Variants in MTMR12 observed in about 807,000 individuals in gnomAD.
The protein encoded by MTMR12 is myotubularin-related protein 12.
MTMR12 carries 33 observed loss-of-function variants against 96.7 expected under a neutral mutation model. That is an observed-to-expected ratio of 0.34 (90% CI 0.26 to 0.46). MTMR12 has a LOEUF of 0.46. MTMR12 is among the 20% of genes least tolerant of loss of function. The probability of loss-of-function intolerance (pLI) is 1.00; values close to 1 mark genes in which losing one functional copy is unlikely to be tolerated. For synonymous variants in MTMR12, 298 were observed against 327.2 expected (o/e 0.91, Z 0.96); for missense variants, 721 against 896.1 (o/e 0.80, Z 2.49).
At chr5:32,247,854 A>T in intron 10 of MTMR12, 148 bp downstream of exon 10, 1 of 1,365,660 alleles carries the variant, frequency 7.3e-7, no homozygotes, top group Non-Finnish European at 9.5e-7. Context: ...TGGTAATGGC[A>T]GCCAGACCCC....
chr5:32,281,172 C>T (rs1252564503), intron 1 of MTMR12, among the ~76,000 whole-genome samples: 4 of 147,142 alleles, frequency 2.7e-5, no homozygotes, highest in East Asian at 2.1e-4. Context: ...AGCTTGAACC[C>T]GGGAGGTGGA....
At position 32,312,658 on chromosome 5, in the gene MTMR12, G is replaced by A. The variant is rs1751646558; in HGVS notation, c.81+100C>T. ...GCCCCGTCGCCCGGCACAAGGGCAGGAAGCGCTCCGCGGCGCTCCCCGCTG... is the reference window on the plus strand; with the variant it reads ...GCCCCGTCGCCCGGCACAAGGGCAGAAAGCGCTCCGCGGCGCTCCCCGCTG... On this transcript the variant is annotated intron_variant, in intron 1 of 15. Transcript: ENST00000382142. This position sits in a 1 kb window ranked among gnomAD's most constrained non-coding sequence, Gnocchi z 5.0. 1.8e-6 allele frequency: 2 copies of A among 1,137,868 alleles called. No homozygotes were observed. The highest frequency in any genetic ancestry group is 2.4e-5 in the South Asian group (1 of 41,060). 70.5% of individuals were successfully genotyped at this position (1,137,868 alleles called of 1,614,324 possible).
At chr5:32,240,357 C>T (rs1748418148) in intron 12 of MTMR12, among the ~76,000 whole-genome samples, 1 of 149,886 alleles carries the variant, frequency 6.7e-6, no homozygotes, top group Admixed American at 6.7e-5. Context: ...TGAGATCGCA[C>T]CATTGCACTC....
Position 32,312,824 on chromosome 5 carries a change from TC to T in MTMR12, c.14del (p.Gly5GlufsTer2). On this transcript the variant is annotated frameshift_variant, in exon 1 of 16. Transcript: ENST00000382142. LOFTEE classifies it high-confidence loss of function. This position sits in a 1 kb window ranked among gnomAD's most constrained non-coding sequence, Gnocchi z 5.0. MLGK[G>X]VVGGGGGTKA... ...TGGTGCCGCCGCCACCGCCGACTAC[TC>T]CTTTCCCCAGCATACCGCCGCCCTG... 6.5e-7 allele frequency: 1 copy of T among 1,531,344 alleles called. No homozygotes were observed. The highest frequency in any genetic ancestry group is 2.8e-5 in the East Asian group (1 of 36,182). 94.9% of individuals were successfully genotyped at this position (1,531,344 alleles called of 1,614,324 possible).
At position 32,251,512 on chromosome 5, in the gene MTMR12, C is replaced by T. The variant is rs1445096800; in HGVS notation, c.790-2634G>A. ...TGTAGGGAACTGGGGCTGCACACGACGTAAGGACTTCTGGGAGGGAAATGT... is the reference window on the plus strand; with the variant it reads ...TGTAGGGAACTGGGGCTGCACACGATGTAAGGACTTCTGGGAGGGAAATGT... On this transcript the variant is annotated intron_variant, in intron 8 of 15. Coordinates refer to ENST00000382142, the MANE Select transcript of MTMR12 (RefSeq NM_001040446.3). 2.6e-5 allele frequency among the ~76,000 whole-genome samples: 4 copies of T among 152,052 alleles called. No homozygotes were observed. In the South Asian group the frequency reaches 6.2e-4, roughly 24 times the overall value.
chr5:32,255,098 C>T (rs1749086894), intron 8 of MTMR12, among the ~76,000 whole-genome samples: 1 of 152,274 alleles, frequency 6.6e-6, no homozygotes, highest in Admixed American at 6.5e-5. Context: ...TGGGAGTGAC[C>T]CTTTTGGTGA....
intron 5 of MTMR12, 85 bp from the exon 6 acceptor site, chr5:32,268,879 T>C (rs2112076564): frequency 1.8e-6 from 2 of 1,088,786 alleles, no homozygotes; most frequent in East Asian, 2.4e-5. Flanking sequence ...TCTAAGTTCT[T>C]AGTCATGCCA....
At chr5:32,309,288 C>T (rs1474892971) in intron 1 of MTMR12, among the ~76,000 whole-genome samples, 3 of 152,200 alleles carry the variant, frequency 2.0e-5, no homozygotes, top group Non-Finnish European at 2.9e-5. Context: ...ATCAGTTGCA[C>T]TTCAACCAGG....
Position 32,270,904 on chromosome 5 carries a change from T to C in MTMR12, c.402A>G (p.Lys134=). The C allele has an allele frequency of 6.2e-7, 1 of 1,614,072 alleles. No homozygotes were observed. Among genetic ancestry groups the C allele is most frequent in the South Asian group, 1.1e-5 (1 of 91,050 alleles). ...AGTGGATGATGAGCTTCTCAGGGTA[T>C]TTCTTCAGTTGTCCAAAGAGAGTTT... ...KKKTLFGQLK[K]YPEKLIIHCK... Residue 134 remains lysine, a synonymous_variant, in exon 5 of 16, where the codon AAA becomes AAG. Coordinates refer to ENST00000382142, the MANE Select transcript of MTMR12 (RefSeq NM_001040446.3).
chr5:32,241,984 A>G, intron 12 of MTMR12, 73 bp downstream of exon 12: 1 of 1,261,640 alleles, frequency 7.9e-7, no homozygotes, highest in Non-Finnish European at 1.1e-6. Flanking sequence ...CAAATACATA[A>G]AGCTACATAT....
In MTMR12 at chr5:32,248,818, C is replaced by T; in HGVS notation, c.850G>A (p.Glu284Lys). Residue 284 changes from glutamate to lysine, a missense_variant, in exon 9 of 16, where the codon GAA becomes AAA. By Grantham distance (56) the Glu-to-Lys change is moderately conservative (BLOSUM62 1). Transcript: ENST00000382142. ...ATTTGTAAAATGCCGTCATCCTGTT[C>T]TTTGGGCAGTGCTGACATTTTCAAA... is the stretch of plus-strand genomic sequence containing the variant. ...ALLKMSALPK[E>K]QDDGILQIQK... 1 of 1,614,152 alleles carries T rather than the reference C, an allele frequency of 6.2e-7. No individual in the cohort carries two copies. Among genetic ancestry groups the T allele is most frequent in the Non-Finnish European group, 8.5e-7 (1 of 1,179,998 alleles).
chr5:32,260,312 GTAGCCTGCT>G (rs1749314325), intron 7 of MTMR12, among the ~76,000 whole-genome samples: 1 of 151,612 alleles, frequency 6.6e-6, no homozygotes, highest in Non-Finnish European at 1.5e-5. Context: ...TGCATGTGGA[GTAGCCTGCT>G]TGGCATGCGA....
rs548515571 is a variant in MTMR12 at position 32,229,831 on chromosome 5, C to T, written c.2191G>A (p.Glu731Lys). 1.3e-6 allele frequency: 2 copies of T among 1,584,112 alleles called. No individual in the cohort carries two copies. Among genetic ancestry groups the T allele is most frequent in the South Asian group, 2.3e-5 (2 of 86,676 alleles). Reference sequence around the variant, plus strand: ...TCTTCTCGTTTGGCCAAATCGTCTTCATCTCCCAAAGCTTTCCAGCCACTG... The same window carrying T: ...TCTTCTCGTTTGGCCAAATCGTCTTTATCTCCCAAAGCTTTCCAGCCACTG... ...PTSGWKALGD[E>K]DDLAKREDEF... is the part of the protein sequence containing the mutation. The change falls in exon 16 of 16, where the codon GAA becomes AAA. Residue 731 changes from glutamate to lysine, a missense_variant. Glu to Lys is a moderately conservative substitution (Grantham distance 56). Coordinates refer to ENST00000382142, the MANE Select transcript of MTMR12 (RefSeq NM_001040446.3).
At chr5:32,260,970 C>A (rs370422440) in intron 7 of MTMR12, among the ~76,000 whole-genome samples, 1 of 151,638 alleles carries the variant, frequency 6.6e-6, no homozygotes, top group Non-Finnish European at 1.5e-5. Context: ...CAGTGGCTCA[C>A]GCGTGTAATC....
In MTMR12 at chr5:32,229,543, C is replaced by T. The variant is rs147816066; in HGVS notation, c.*235G>A. 5.3e-6 allele frequency: 2 copies of T among 375,648 alleles called. No homozygotes were observed. Among genetic ancestry groups the T allele is most frequent in the Non-Finnish European group, 9.3e-6 (2 of 214,716 alleles). The allele number at this position is 375,648 out of a possible 1,614,324, so 23.3% of individuals were successfully genotyped here. ...TCAGAAAACGGCCACAACCCTATTA[C>T]GGGTCAAGTAATAATTCCTTCCAAT... On this transcript the variant is annotated 3_prime_UTR_variant, in exon 16 of 16. Coordinates refer to ENST00000382142, the MANE Select transcript of MTMR12 (RefSeq NM_001040446.3).
chr5:32,231,197 C>T (rs980949265), intron 15 of MTMR12, among the ~76,000 whole-genome samples: 1 of 151,934 alleles, frequency 6.6e-6, no homozygotes, highest in African/African-American at 2.4e-5. Context: ...CAAGACCAAC[C>T]TCAACCTGGC....
At chr5:32,250,477 G>C (rs1382829290) in intron 8 of MTMR12, among the ~76,000 whole-genome samples, 1 of 152,196 alleles carries the variant, frequency 6.6e-6, no homozygotes, top group Non-Finnish European at 1.5e-5. Context: ...TGCTGTTCTT[G>C]CATTCCCTTT....
At chr5:32,248,931 G>A (rs545613877) in intron 8 of MTMR12, 53 bp from the exon 9 acceptor site, 3 of 1,381,586 alleles carry the variant, frequency 2.2e-6, no homozygotes, top group Admixed American at 1.7e-5. Context: ...CCCAACAGGG[G>A]ACACATAAGC....
intron 2 of MTMR12, among the ~76,000 whole-genome samples, chr5:32,274,516 C>T (rs953501144): frequency 1.3e-5 from 2 of 152,120 alleles, no homozygotes; most frequent in African/African-American, 2.4e-5. Context: ...ATGGGCTTGC[C>T]CCAGTCTGCC....
Sources: gnomAD v4.1 joint callset for allele counts (sites outside exome capture counted in the v4.1 genomes callset) on GRCh38, gnomAD v4.1.1 for gene constraint, Gnocchi (gnomAD v3.1) non-coding constraint, MANE v1.5 for transcripts, NCBI Gene and HGNC (gene_info 2026-07-23, HGNC 2026-07-21) for gene names.